The following GRM8 variants were observed in gnomAD, a reference collection of about 807,000 sequenced individuals.
The protein encoded by GRM8 is glutamate metabotropic receptor 8.
A neutral mutation model predicts 87.2 loss-of-function variants in GRM8; 47 were observed. The observed-to-expected ratio is 0.54, with a 90% confidence interval of 0.43 to 0.69. The LOEUF is 0.69. Among genes scored for constraint, GRM8 ranks in the 30% least tolerant of loss-of-function variants. GRM8 has a pLI of 0.00. For missense variants in GRM8, 1,019 were observed against 1,139.2 expected (o/e 0.89, Z 1.52); for synonymous variants, 396 against 404.5 (o/e 0.98, Z 0.25).
At chr7:126,935,305 G>T (rs1806198494) in intron 3 of GRM8, among the ~76,000 whole-genome samples, 1 of 152,270 alleles carries the variant, frequency 6.6e-6, no homozygotes, top group Middle Eastern at 3.4e-3. Context: ...AAACAAGAGG[G>T]AAAGGAAATG....
chr7:127,067,749 C>T (rs1366114473), intron 3 of GRM8, among the ~76,000 whole-genome samples: 5 of 152,134 alleles, frequency 3.3e-5, no homozygotes, highest in Non-Finnish European at 7.3e-5. Flanking sequence ...CAAAAGTAAA[C>T]TCAATCCAAT....
chr7:126,475,131 A>T (rs1805753014), intron 9 of GRM8, among the ~76,000 whole-genome samples: 1 of 152,150 alleles, frequency 6.6e-6, no homozygotes, highest in African/African-American at 2.4e-5. Flanking sequence ...TTGTAACCAA[A>T]GCAATTATGC....
At chr7:126,845,457 G>C (rs1281643173) in intron 6 of GRM8, among the ~76,000 whole-genome samples, 1 of 152,036 alleles carries the variant, frequency 6.6e-6, no homozygotes, top group African/African-American at 2.4e-5. Context: ...TCCCAAAGGA[G>C]TAAAAATAAA....
intron 6 of GRM8, among the ~76,000 whole-genome samples, chr7:126,799,772 A>G (rs1330561037): frequency 6.6e-6 from 1 of 152,096 alleles, no homozygotes; most frequent in Non-Finnish European, 1.5e-5. Context: ...TTGTTGCTAT[A>G]ATAACAGCAA....
chr7:126,533,123 A>C lies in GRM8; in HGVS notation c.2259T>G (p.Leu753=). The C allele has an allele frequency of 6.2e-7, 1 of 1,613,474 alleles. No individual in the cohort carries two copies. Among genetic ancestry groups the C allele is most frequent in the Non-Finnish European group, 8.5e-7 (1 of 1,179,884 alleles). ...DISDLSLICS[L]GYSILLMVTC... is the part of the protein sequence containing the mutation. ...TGACCATCAAGAGGATACTGTATCC[A>C]AGTGAACAAATGAGTGAGAGATCAG... The change falls in exon 9 of 11, where the codon CTT becomes CTG. Residue 753 remains leucine (L), a synonymous_variant. Transcript: ENST00000339582.
intron 9 of GRM8, among the ~76,000 whole-genome samples, chr7:126,462,427 G>T (rs1803990573): frequency 6.6e-6 from 1 of 151,446 alleles, no homozygotes; most frequent in African/African-American, 2.4e-5. Flanking sequence ...CATTGCAAAG[G>T]TCCTGTATTT....
At chr7:126,938,177 T>G (rs905671821) in intron 3 of GRM8, among the ~76,000 whole-genome samples, 2 of 152,198 alleles carry the variant, frequency 1.3e-5, no homozygotes, top group African/African-American at 2.4e-5. Flanking sequence ...CTTAACTTTC[T>G]CTGTCCCTTC....
chr7:126,549,045 G>A (rs1000689293), intron 8 of GRM8, among the ~76,000 whole-genome samples: 1 of 152,190 alleles, frequency 6.6e-6, no homozygotes, highest in East Asian at 1.9e-4. Context: ...TGAAGTACAG[G>A]GTAGAGTTTG....
At chr7:127,133,455 A>G (rs1827793105) in intron 2 of GRM8, among the ~76,000 whole-genome samples, 1 of 151,354 alleles carries the variant, frequency 6.6e-6, no homozygotes, top group South Asian at 2.1e-4. Context: ...AAAGCAAACA[A>G]AATCCCAGCA....
In GRM8 at chr7:126,578,164, T is replaced by C. The variant is rs1327693259; in HGVS notation, c.1494+31198A>G. Among the ~76,000 whole-genome samples the C allele has an allele frequency of 3.3e-5, 5 of 152,300 alleles. 1 individual carries two copies. The highest frequency in any genetic ancestry group is 1.2e-4 in the African/African-American group (5 of 41,582). ...TACATATAAAAAGCAATACCCATCA[T>C]AATGGGTTGATTGGAAACTCTATGA... On this transcript the variant is annotated intron_variant, in intron 8 of 10. Coordinates refer to ENST00000339582, the MANE Select transcript of GRM8 (RefSeq NM_000845.3).
chr7:127,085,862 G>A (rs978004097), intron 3 of GRM8, among the ~76,000 whole-genome samples: 4 of 152,108 alleles, frequency 2.6e-5, no homozygotes, highest in African/African-American at 9.7e-5. Flanking sequence ...TGGTGTTTTA[G>A]TCATGAAGTC....
At chr7:126,600,938 T>A (rs1186240162) in intron 8 of GRM8, among the ~76,000 whole-genome samples, 1 of 152,156 alleles carries the variant, frequency 6.6e-6, no homozygotes, top group African/African-American at 2.4e-5. Flanking sequence ...GTGGCATTTT[T>A]TTTTTATTAT....
intron 3 of GRM8, among the ~76,000 whole-genome samples, chr7:127,072,256 C>A (rs1048286124): frequency 6.6e-6 from 1 of 152,168 alleles, no homozygotes; most frequent in African/African-American, 2.4e-5. Context: ...TTGAGGGTGT[C>A]AGAAGCTCTC....
At chr7:126,636,955 T>C (rs1042008844) in intron 7 of GRM8, among the ~76,000 whole-genome samples, 1 of 152,060 alleles carries the variant, frequency 6.6e-6, no homozygotes, top group Non-Finnish European at 1.5e-5. Flanking sequence ...AGCAATGATG[T>C]TATTAAAATA....
intron 7 of GRM8, among the ~76,000 whole-genome samples, chr7:126,627,425 A>T (rs1051911373): frequency 2.0e-5 from 3 of 152,234 alleles, no homozygotes; most frequent in Non-Finnish European, 4.4e-5. Context: ...AAATTCTTTT[A>T]TTATACCTAA....
At chr7:126,617,076 A>C (rs1799581405) in intron 7 of GRM8, among the ~76,000 whole-genome samples, 1 of 152,176 alleles carries the variant, frequency 6.6e-6, no homozygotes, top group Admixed American at 6.5e-5. Flanking sequence ...ACAACCAAAA[A>C]AGACAATTTT....
At chr7:127,133,530 C>G (rs1827796978) in intron 2 of GRM8, among the ~76,000 whole-genome samples, 1 of 151,548 alleles carries the variant, frequency 6.6e-6, no homozygotes, top group Non-Finnish European at 1.5e-5. Context: ...CGCAGTGAAA[C>G]CCCGTCTCTA....
chr7:126,715,089 G>A (rs938592868), intron 7 of GRM8, among the ~76,000 whole-genome samples: 1 of 152,154 alleles, frequency 6.6e-6, no homozygotes, highest in Non-Finnish European at 1.5e-5. Context: ...TTTCTTGGGA[G>A]CACTTCAAGC....
intron 2 of GRM8, among the ~76,000 whole-genome samples, chr7:127,228,218 T>C (rs564508400): frequency 3.9e-4 from 59 of 152,320 alleles, no homozygotes; most frequent in African/African-American, 1.3e-3. Flanking sequence ...CCATGTAACC[T>C]TAGATAAGCC....
Sources: gnomAD v4.1 joint callset for allele counts (sites outside exome capture counted in the v4.1 genomes callset) on GRCh38, gnomAD v4.1.1 for gene constraint, MANE v1.5 for transcripts, NCBI Gene and HGNC (gene_info 2026-07-23, HGNC 2026-07-21) for gene names.